The following COL23A1 variants were observed in gnomAD, a reference collection of about 807,000 sequenced individuals.
The protein encoded by COL23A1 is collagen type XXIII alpha 1 chain, also known as collagen alpha-1(XXIII) chain.
In COL23A1, 97 loss-of-function variants were observed where a neutral mutation model predicts 99.3. The observed-to-expected ratio is 0.98, with a 90% CI of 0.83 to 1.16. The LOEUF is 1.16. Among genes scored for constraint, COL23A1 ranks in the 50% most tolerant of loss-of-function variants. COL23A1 has a pLI of 0.00. For missense variants in COL23A1, 762 were observed against 757.4 expected (o/e 1.01, Z -0.07); for synonymous variants, 320 against 308.2 (o/e 1.04, Z -0.40).
At chr5:178,258,394 GTTT>G (rs59750946) in intron 12 of COL23A1, among the ~76,000 whole-genome samples, 13,782 of 108,974 alleles carry the variant, frequency 0.13, 829 homozygotes, top group Admixed American at 0.21. Flanking sequence ...GATGGGAGAG[GTTT>G]TTTTTTTTTT....
Position 178,318,628 on chromosome 5 carries a change from G to T in COL23A1, c.362-11709C>A, listed in dbSNP as rs116272213. 5.3e-3 allele frequency among the ~76,000 whole-genome samples: 814 copies of T among 152,354 alleles called. 13 individuals are homozygous for T. The highest frequency in any genetic ancestry group is 0.019 in the African/African-American group (773 of 41,586). On this transcript the variant is annotated intron_variant, in intron 2 of 28. Transcript: ENST00000390654. Reference sequence around the variant, plus strand: ...TCCAGAAAGGGGCTTTCGGCCGGGCGCGGTGGCTCACACCTATAATTCCAG... The same window carrying T: ...TCCAGAAAGGGGCTTTCGGCCGGGCTCGGTGGCTCACACCTATAATTCCAG...
At chr5:178,380,704 G>A (rs775919564) in intron 2 of COL23A1, among the ~76,000 whole-genome samples, 30 of 152,328 alleles carry the variant, frequency 2.0e-4, no homozygotes, top group Non-Finnish European at 3.4e-4. Context: ...GAGGACGGCC[G>A]GGACAGAGGC....
At chr5:178,268,616 G>T in intron 7 of COL23A1, 114 bp downstream of exon 7, 1 of 981,606 alleles carries the variant, frequency 1.0e-6, no homozygotes, top group Non-Finnish European at 1.5e-6. Context: ...GGAAACTGAG[G>T]CTCTAGGAGG....
chr5:178,470,556 C>T (rs1247691363), intron 2 of COL23A1, among the ~76,000 whole-genome samples: 1 of 152,124 alleles, frequency 6.6e-6, no homozygotes, highest in African/African-American at 2.4e-5. Context: ...TAAATCTAAG[C>T]TCATTAACAG....
chr5:178,498,064 G>C (rs1157575713), intron 2 of COL23A1, among the ~76,000 whole-genome samples: 2 of 150,752 alleles, frequency 1.3e-5, no homozygotes, highest in Non-Finnish European at 3.0e-5. Context: ...ACAAAGAAAA[G>C]ATCTTAAAAG....
At chr5:178,345,367 C>T in intron 2 of COL23A1, 1 of 453,086 alleles carries the variant, frequency 2.2e-6, no homozygotes, top group South Asian at 2.2e-5. Flanking sequence ...AAGGGGCCTG[C>T]TTATTAGACC....
intron 12 of COL23A1, among the ~76,000 whole-genome samples, chr5:178,257,798 G>A (rs1397881652): frequency 1.3e-5 from 2 of 152,260 alleles, no homozygotes; most frequent in Non-Finnish European, 2.9e-5. Context: ...CAGAAAGAAC[G>A]GATGGGCAGG....
intron 2 of COL23A1, among the ~76,000 whole-genome samples, chr5:178,478,512 T>C (rs1203977161): frequency 6.6e-6 from 1 of 152,200 alleles, no homozygotes; most frequent in African/African-American, 2.4e-5. Context: ...AGTTGTGCTT[T>C]CCATCCAGTA....
At chr5:178,458,724 C>A (rs1279726404) in intron 2 of COL23A1, among the ~76,000 whole-genome samples, 1 of 151,930 alleles carries the variant, frequency 6.6e-6, no homozygotes, top group Non-Finnish European at 1.5e-5. Flanking sequence ...GATCAAAATA[C>A]CATTATTTTA....
chr5:178,478,940 C>A (rs1249258149), intron 2 of COL23A1, among the ~76,000 whole-genome samples: 2 of 152,144 alleles, frequency 1.3e-5, no homozygotes, highest in African/African-American at 4.8e-5. Flanking sequence ...ATACTGGGCT[C>A]CAAAATGCTG....
At chr5:178,304,794 C>T (rs1160367905) in intron 3 of COL23A1, among the ~76,000 whole-genome samples, 1 of 152,188 alleles carries the variant, frequency 6.6e-6, no homozygotes, top group African/African-American at 2.4e-5. Flanking sequence ...TGGCAAGGTA[C>T]TGTACCCCTT....
rs191319865 is a variant in COL23A1, at chr5:178,348,606, C to A, written c.362-41687G>T. ...AAAGTGCCTCACGCCCATTTACTAC[C>A]TGGCTTCTGGGCTGAGCTCCCTGCC... On this transcript the variant is annotated intron_variant, in intron 2 of 28. Transcript: ENST00000390654. Among the ~76,000 whole-genome samples, 496 of 152,342 alleles carry A rather than the reference C, an allele frequency of 3.3e-3. 2 individuals carry two copies. The highest frequency in any genetic ancestry group is 0.011 in the African/African-American group (466 of 41,584).
intron 2 of COL23A1, among the ~76,000 whole-genome samples, chr5:178,403,742 C>A (rs749074246): frequency 2.6e-5 from 4 of 152,252 alleles, no homozygotes; most frequent in Admixed American, 6.5e-5. Flanking sequence ...ACCAACTGTG[C>A]CCAACACCTG....
At chr5:178,585,519 CCTGGATGACGCTGGAGTAACACT>C (rs1763915258) in intron 1 of COL23A1, among the ~76,000 whole-genome samples, 1 of 149,300 alleles carries the variant, frequency 6.7e-6, no homozygotes, top group African/African-American at 2.5e-5. Flanking sequence ...ACTCCACGTC[CCTGGATGACGCTGGAGTAACACT>C]CCACAGCCCT....
At chr5:178,483,404 A>G (rs1450431072) in intron 2 of COL23A1, among the ~76,000 whole-genome samples, 2 of 152,108 alleles carry the variant, frequency 1.3e-5, no homozygotes, top group Non-Finnish European at 2.9e-5. Context: ...CAAGAAACAA[A>G]AGACCTCCGG....
At chr5:178,347,048 T>TGA (rs1221082090) in intron 2 of COL23A1, among the ~76,000 whole-genome samples, 4 of 152,154 alleles carry the variant, frequency 2.6e-5, no homozygotes, top group African/African-American at 7.2e-5. Context: ...GTGAGCAGGG[T>TGA]GAGGCCCAGC....
intron 1 of COL23A1, among the ~76,000 whole-genome samples, chr5:178,585,437 T>TCCACAGCCCTGGTTGATGCTG (rs1763896568): frequency 2.2e-5 from 3 of 136,770 alleles, no homozygotes; most frequent in East Asian, 2.1e-4. Context: ...TGGTTGACAC[T>TCCACAGCCCTGGTTGATGCTG]GGGGTAACAC....
chr5:178,453,477 C>T (rs533807632), intron 2 of COL23A1, among the ~76,000 whole-genome samples: 27 of 152,258 alleles, frequency 1.8e-4, no homozygotes, highest in Non-Finnish European at 3.5e-4. Context: ...ACTGGCCATG[C>T]GGGTTTGGAA....
intron 6 of COL23A1, 69 bp from the exon 7 acceptor site, chr5:178,268,825 C>T (rs1417500080): frequency 1.3e-6 from 2 of 1,527,660 alleles, no homozygotes; most frequent in Admixed American, 1.8e-5. Flanking sequence ...TTCTGGCTTC[C>T]CTATACCTCT....
Sources: allele counts gnomAD v4.1 joint callset (sites outside exome capture counted in the v4.1 genomes callset), GRCh38; gene constraint gnomAD v4.1.1; transcripts MANE v1.5; gene names NCBI Gene and HGNC (gene_info 2026-07-23, HGNC 2026-07-21).